Variants in HEPACAM2 observed in about 807,000 individuals in gnomAD.
HEPACAM2 encodes mitotic kinetics regulator.
In HEPACAM2, 49 loss-of-function variants were observed where a neutral mutation model predicts 49.6. That is an observed-to-expected ratio of 0.99 (90% CI 0.78 to 1.25). The LOEUF is 1.25. Among genes scored for constraint, HEPACAM2 ranks in the 50% most tolerant of loss-of-function variants. The probability of loss-of-function intolerance (pLI) is 0.00; values close to 1 mark genes in which losing one functional copy is unlikely to be tolerated. For missense variants in HEPACAM2, 525 were observed against 557.2 expected (o/e 0.94, Z 0.58); for synonymous variants, 197 against 202.9 (o/e 0.97, Z 0.25).
upstream of HEPACAM2, among the ~76,000 whole-genome samples, chr7:93,227,047 AT>A (rs1334346768): frequency 1.3e-5 from 2 of 152,200 alleles, no homozygotes; most frequent in Non-Finnish European, 2.9e-5. Flanking sequence ...AATTCATCTT[AT>A]TTTTAAAAGC....
intron 4 of HEPACAM2, among the ~76,000 whole-genome samples, chr7:93,200,162 CTGTTT>C (rs1317718201): frequency 6.6e-6 from 1 of 151,712 alleles, no homozygotes; most frequent in Non-Finnish European, 1.5e-5. Flanking sequence ...GAGTTTTTGT[CTGTTT>C]TATTAGTTAC....
upstream of HEPACAM2, among the ~76,000 whole-genome samples, chr7:93,227,696 C>T (rs1483369628): frequency 6.6e-6 from 1 of 152,124 alleles, no homozygotes; most frequent in African/African-American, 2.4e-5. Context: ...CTTCCCCCAC[C>T]TCCCTGCAAA....
At chr7:93,191,269 C>G (rs1359916825) in intron 9 of HEPACAM2, among the ~76,000 whole-genome samples, 1 of 151,802 alleles carries the variant, frequency 6.6e-6, no homozygotes, top group African/African-American at 2.4e-5. Context: ...ATTTATGTGA[C>G]TCTAGGTAAA....
intron 3 of HEPACAM2, 149 bp downstream of exon 3, chr7:93,215,252 T>G: frequency 4.5e-6 from 3 of 665,942 alleles, no homozygotes; most frequent in South Asian, 3.9e-5. Context: ...TACAAGACAG[T>G]GCCTAGGAGG....
rs1195378336 is a variant in HEPACAM2, at chr7:93,208,594, A to G, written c.998T>C (p.Ile333Thr). 6.2e-7 allele frequency: 1 copy of G among 1,612,620 alleles called. No individual in the cohort carries two copies. The highest frequency in any genetic ancestry group is 1.7e-5 in the Admixed American group (1 of 59,942). The change falls in exon 4 of 10, where the codon ATC becomes ACC. Residue 333 changes from isoleucine to threonine, a missense_variant. Physicochemically the swap from Ile to Thr is moderately conservative, Grantham distance 89 (BLOSUM62 -1). Coordinates refer to ENST00000394468, the MANE Select transcript of HEPACAM2 (RefSeq NM_001039372.4). ...GRQDETHFTV[I>T]ITSVGLEKLA... ...GTCACACATACCTACGGAAGTGATG[A>G]TAACTGTGAAATGAGTTTCATCTTG...
intron 1 of HEPACAM2, among the ~76,000 whole-genome samples, chr7:93,221,785 G>A (rs1794456501): frequency 6.6e-6 from 1 of 152,124 alleles, no homozygotes; most frequent in Admixed American, 6.6e-5. Flanking sequence ...TGGCCTCTGT[G>A]TGTTTTTGTG....
intron 2 of HEPACAM2, among the ~76,000 whole-genome samples, chr7:93,216,392 C>G (rs539468419): frequency 1.3e-5 from 2 of 151,930 alleles, no homozygotes; most frequent in African/African-American, 4.8e-5. Flanking sequence ...AATACAAATC[C>G]GATAGAAATT....
chr7:93,192,303 CTG>C lies in HEPACAM2; in HGVS notation c.1334_1335del (p.Thr445SerfsTer3). 6.2e-7 allele frequency: 1 copy of C among 1,612,912 alleles called. No individual in the cohort carries two copies. The highest frequency in any genetic ancestry group is 1.3e-5 in the African/African-American group (1 of 74,962). On this transcript the variant is annotated frameshift_variant, in exon 9 of 10. Coordinates refer to ENST00000394468, the MANE Select transcript of HEPACAM2 (RefSeq NM_001039372.4). LOFTEE classifies it high-confidence loss of function. ...DCVSGQDLHSTVYEVIQHIPA... is the reference protein window; with the variant it reads ...DCVSGQDLHSXVYEVIQHIPA... ...GGGATGTGCTGAATAACTTCATACACTGTACTGTGCAAATCTTGCCCCGATAC... is the reference window on the plus strand; with the variant it reads ...GGGATGTGCTGAATAACTTCATACACTACTGTGCAAATCTTGCCCCGATAC...
intron 8 of HEPACAM2, among the ~76,000 whole-genome samples, chr7:93,192,575 G>C (rs1793582351): frequency 6.6e-6 from 1 of 152,020 alleles, no homozygotes; most frequent in African/African-American, 2.4e-5. Context: ...GTCAGAAGAA[G>C]GATAGCTTGA....
At chr7:93,208,550 T>C in intron 4 of HEPACAM2, 30 bp downstream of exon 4, 2 of 1,589,380 alleles carry the variant, frequency 1.3e-6, no homozygotes, top group African/African-American at 2.7e-5. Flanking sequence ...CATGTTTTAT[T>C]AGGATCCCTT....
intron 4 of HEPACAM2, among the ~76,000 whole-genome samples, chr7:93,207,764 A>G (rs1207615196): frequency 6.6e-6 from 1 of 151,872 alleles, no homozygotes; most frequent in African/African-American, 2.4e-5. Context: ...TCAGACCTGT[A>G]TGGTGCTTCT....
intron 1 of HEPACAM2, 24 bp from the exon 2 acceptor site, chr7:93,219,475 G>T: frequency 6.2e-7 from 1 of 1,613,110 alleles, no homozygotes; most frequent in Non-Finnish European, 8.5e-7. Context: ...AAGGAAAGTT[G>T]TGAAGACCTT....
In HEPACAM2 at chr7:93,215,425, C is replaced by T. The variant is rs1794278043; in HGVS notation, c.691G>A (p.Asp231Asn). Residue 231 changes from aspartate to asparagine, a missense_variant, in exon 3 of 10, where the codon GAT becomes AAT. Physicochemically the swap from Asp to Asn is conservative, Grantham distance 23 (BLOSUM62 1). Transcript: ENST00000394468. The stretch of plus-strand genomic sequence containing the variant: ...CAATATATGATGGGCATAATGATAT[C>T]ACTTTCCATTTCACTGACAGGGTTC... The part of the protein sequence containing the change: ...VRNPVSEMES[D>N]IIMPIIYYGP... 6.2e-7 allele frequency: 1 copy of T among 1,613,484 alleles called. No homozygotes were observed. The highest frequency in any genetic ancestry group is 1.1e-5 in the South Asian group (1 of 91,064).
intron 3 of HEPACAM2, among the ~76,000 whole-genome samples, chr7:93,209,145 AT>A (rs1408686356): frequency 6.6e-6 from 1 of 152,008 alleles, no homozygotes; most frequent in Non-Finnish European, 1.5e-5. Flanking sequence ...TTCATATACA[AT>A]TTTACAAATA....
chr7:93,211,232 G>T (rs1794171110), intron 3 of HEPACAM2, among the ~76,000 whole-genome samples: 1 of 151,972 alleles, frequency 6.6e-6, no homozygotes, highest in Non-Finnish European at 1.5e-5. Context: ...GAACCATATG[G>T]GTTTTTATTA....
intron 3 of HEPACAM2, among the ~76,000 whole-genome samples, chr7:93,212,353 T>G (rs550425791): frequency 7.2e-5 from 11 of 152,138 alleles, no homozygotes; most frequent in African/African-American, 2.6e-4. Flanking sequence ...TATATTTGGC[T>G]CTTCAGAAGC....
chr7:93,216,718 G>T (rs1225172319), intron 2 of HEPACAM2, among the ~76,000 whole-genome samples: 2 of 152,176 alleles, frequency 1.3e-5, no homozygotes, highest in Non-Finnish European at 2.9e-5. Flanking sequence ...TCTGCATTTT[G>T]GAGAGAGGTG....
intron 4 of HEPACAM2, among the ~76,000 whole-genome samples, chr7:93,205,930 C>A (rs1794015800): frequency 6.6e-6 from 1 of 152,044 alleles, no homozygotes; most frequent in South Asian, 2.1e-4. Flanking sequence ...ACTATAATAA[C>A]AAATGCTTGG....
At chr7:93,231,736 G>A in the HEPACAM2 span, among the ~76,000 whole-genome samples, 4 of 152,098 alleles carry the variant, frequency 2.6e-5, no homozygotes, top group African/African-American at 9.7e-5. Context: ...CGTATTTCCC[G>A]TCATCACTGC....
Sources: gnomAD v4.1 joint callset for allele counts (sites outside exome capture counted in the v4.1 genomes callset) on GRCh38, gnomAD v4.1.1 for gene constraint, MANE v1.5 for transcripts, NCBI Gene and HGNC (gene_info 2026-07-23, HGNC 2026-07-21) for gene names.